The following SETD1B variants were observed in gnomAD, a reference collection of about 807,000 sequenced individuals.
SETD1B encodes histone-lysine N-methyltransferase SETD1B.
A neutral mutation model predicts 148.0 loss-of-function variants in SETD1B; 7 were observed. That is an observed-to-expected ratio of 0.05 (90% CI 0.03 to 0.09). The LOEUF (loss-of-function observed/expected upper bound fraction) is 0.09, where lower values mean the gene tolerates loss of function less well. Ranked by LOEUF, SETD1B falls within the 10% of genes least tolerant of loss-of-function variation. SETD1B has a pLI of 1.00. For synonymous variants in SETD1B, 1,361 were observed against 1,186.5 expected, an observed-to-expected ratio of 1.15 and a Z score of -3.02; for missense variants, 2,155 against 2,729.9, an observed-to-expected ratio of 0.79 and a Z score of 4.69.
chr12:121,809,203 T>C (rs1032446588), intron 5 of SETD1B, among the ~76,000 whole-genome samples: 1 of 152,176 alleles, frequency 6.6e-6, no homozygotes. Context: ...CCTAAAGCAC[T>C]GGGTGACTAG....
At chr12:121,801,597 TAGA>T (rs1297891269), upstream of SETD1B, 2 of 152,662 alleles carry the variant, frequency 1.3e-5, no homozygotes, top group African/African-American at 4.8e-5. Context: ...CCATGGAGTC[TAGA>T]AGATCAAGCT....
At chr12:121,797,218 C>T in the SETD1B span, 92 of 356,844 alleles carry the variant, frequency 2.6e-4, no homozygotes, top group Non-Finnish European at 4.6e-4. Flanking sequence ...TCATGTTCCA[C>T]GCTAGGGCTC....
upstream of SETD1B, chr12:121,802,358 TG>T (rs1289532712): frequency 3.3e-5 from 5 of 152,202 alleles, no homozygotes; most frequent in African/African-American, 4.8e-5. Flanking sequence ...GTACTTACAA[TG>T]TAAAAGGTTT....
rs1339575756 is a variant in SETD1B at position 121,804,194 on chromosome 12, A to G, written c.-54A>G. The stretch of plus-strand genomic sequence containing the variant: ...TCGGCTCCCTCGGGGGACACCATGT[A>G]CTGGCTGGCGGCGCAGGGAGGCCGG... On this transcript the variant is annotated 5_prime_UTR_variant, in exon 1 of 17. Coordinates refer to ENST00000604567, the MANE Select transcript of SETD1B (RefSeq NM_001353345.2). The surrounding 1 kb of genome is among the most constrained non-coding windows in gnomAD (Gnocchi z 4.6). 6.8e-6 allele frequency: 1 copy of G among 147,908 alleles called. No homozygotes were observed. The highest frequency in any genetic ancestry group is 6.7e-5 in the Admixed American group (1 of 14,876). The allele number at this position is 147,908 out of a possible 1,614,324, so 9.2% of individuals were successfully genotyped here.
In SETD1B at chr12:121,822,532, C is replaced by A. The variant is rs773530032; in HGVS notation, c.3953C>A (p.Pro1318His). The change falls in exon 12 of 17, where the codon CCC becomes CAC. Residue 1318 changes from proline to histidine, a missense_variant. Transcript: ENST00000604567. ...EVEPEPPMML[P>H]LPLQPPLPPP... ...GAGCCGGAGCCCCCTATGATGCTCC[C>A]CTTGCCGCTGCAACCACCATTGCCG... The A allele has an allele frequency of 1.9e-6, 3 of 1,550,740 alleles. No individual in the cohort carries two copies. Among genetic ancestry groups the A allele is most frequent in the South Asian group, 2.4e-5 (2 of 83,926 alleles).
the SETD1B span, chr12:121,793,116 G>A: frequency 6.5e-7 from 1 of 1,528,738 alleles, no homozygotes; most frequent in Non-Finnish European, 8.9e-7. Flanking sequence ...TCGGGCGGGC[G>A]GACCCTCGGG....
At chr12:121,820,730 T>A (rs1876528204) in intron 11 of SETD1B, among the ~76,000 whole-genome samples, 1 of 152,148 alleles carries the variant, frequency 6.6e-6, no homozygotes, top group South Asian at 2.1e-4. Context: ...AGATGGGGTT[T>A]CTCCGCGTTA....
At position 121,823,183 on chromosome 12, in the gene SETD1B, C is replaced by A. The variant is rs749034268; in HGVS notation, c.4604C>A (p.Pro1535His). 3 of 1,547,740 alleles carry A rather than the reference C, an allele frequency of 1.9e-6. No individual in the cohort carries two copies. In the South Asian group the frequency reaches 3.6e-5, roughly 18 times the overall value. ...SPPSMLSLDG[P>H]LVRPPAGAAL... ...CCATCTATGCTCTCCTTGGATGGGC[C>A]CTTGGTCCGACCACCAGCAGGGGCC... The change falls in exon 12 of 17, where the codon CCC (proline) becomes CAC (histidine). Residue 1535 changes from proline (P) to histidine (H), a missense_variant. Pro to His is a moderately conservative substitution (Grantham distance 77). Coordinates refer to ENST00000604567, the MANE Select transcript of SETD1B (RefSeq NM_001353345.2).
chr12:121,813,128 T>C (rs767624954), intron 6 of SETD1B, among the ~76,000 whole-genome samples: 10 of 152,180 alleles, frequency 6.6e-5, no homozygotes, highest in Non-Finnish European at 1.3e-4. Flanking sequence ...TGACTGGCTG[T>C]GCCGCGGGGC....
rs915292054 is a variant in SETD1B, at chr12:121,822,818, G to A, written c.4239G>A (p.Pro1413=). Residue 1413 remains proline (P), a synonymous_variant, in exon 12 of 17, where the codon CCG becomes CCA. Transcript: ENST00000604567. ...GCAGCCCCTTCTCCTACCCAGCCCC[G>A]TCCCCTAGCTTGAGCAGTGGGGGCC... ...VPGSPFSYPA[P]SPSLSSGGLP... 36 of 1,501,516 alleles carry A rather than the reference G, an allele frequency of 2.4e-5. No homozygotes were observed. The highest frequency in any genetic ancestry group is 1.1e-4 in the Admixed American group (5 of 45,488). 93.0% of individuals were successfully genotyped at this position (1,501,516 alleles called of 1,614,324 possible). A position where few individuals can be genotyped will look rare whatever the true frequency, so the allele number is the denominator to read the frequency against.
rs557270408 is a variant in SETD1B, at chr12:121,814,596, A to G, written c.2381A>G (p.Tyr794Cys). The G allele has an allele frequency of 8.7e-5, 134 of 1,534,048 alleles. No homozygotes were observed. The South Asian group carries it at 9.3e-4, about 11-fold the overall frequency. ...ATGACGGGCCAGGGCGCCTGCCCCT[A>G]CCCGCCCTTCATGGCCGCTGCGGCC... Reference protein sequence around the residue: ...RLMTGQGACPYPPFMAAAAAA... With the variant: ...RLMTGQGACPCPPFMAAAAAA... Residue 794 changes from tyrosine (Y) to cysteine (C), a missense_variant, in exon 7 of 17, where the codon TAC becomes TGC. Tyr to Cys is a radical substitution (Grantham distance 194). Coordinates refer to ENST00000604567, the MANE Select transcript of SETD1B (RefSeq NM_001353345.2).
chr12:121,790,158 C>T, the SETD1B span, among the ~76,000 whole-genome samples: 21 of 152,358 alleles, frequency 1.4e-4, no homozygotes, highest in South Asian at 6.2e-4. Context: ...GACAGCCACA[C>T]GGGCCTTCCA....
intron 4 of SETD1B, among the ~76,000 whole-genome samples, chr12:121,807,998 C>T (rs1005061071): frequency 1.2e-4 from 18 of 152,002 alleles, no homozygotes; most frequent in Admixed American, 1.0e-3. Context: ...ATCTCAGGAT[C>T]AGAAAAATGG....
At chr12:121,799,722 G>GTGGGGGGGGT (rs1237050060), upstream of SETD1B, 1 of 123,006 alleles carries the variant, frequency 8.1e-6, no homozygotes, top group Non-Finnish European at 1.8e-5. Context: ...GCAGCTGGGG[G>GTGGGGGGGGT]GGGGGGGGTG....
At chr12:121,826,360 G>A (rs1326092169) in intron 13 of SETD1B, among the ~76,000 whole-genome samples, 5 of 152,202 alleles carry the variant, frequency 3.3e-5, no homozygotes, top group South Asian at 2.1e-4. Flanking sequence ...AGACCCAGGC[G>A]AAGTGTGGGA....
chr12:121,793,937 G>A, the SETD1B span: 5 of 288,500 alleles, frequency 1.7e-5, no homozygotes, highest in African/African-American at 8.8e-5. Flanking sequence ...CCTCGCCGGC[G>A]AGACCCGATC....
rs35570949 is a variant in SETD1B at position 121,831,620 on chromosome 12, CAAA to C, written c.*1388_*1390del. On this transcript the variant is annotated 3_prime_UTR_variant, in exon 17 of 17. Coordinates refer to ENST00000604567, the MANE Select transcript of SETD1B (RefSeq NM_001353345.2). ...TTTTTTGCTCATTTCTTTGTACTTCCAAAAAAAAAGGAAAAAAAAGACAAAAGC... is the reference window on the plus strand; with the variant it reads ...TTTTTTGCTCATTTCTTTGTACTTCCAAAAAAGGAAAAAAAAGACAAAAGC... The C allele has an allele frequency of 6.7e-6, 1 of 148,422 alleles. No homozygotes were observed. Among genetic ancestry groups the C allele is most frequent in the Non-Finnish European group, 1.5e-5 (1 of 67,138 alleles). 9.2% of individuals were successfully genotyped at this position (148,422 alleles called of 1,614,324 possible). A position where few individuals can be genotyped will look rare whatever the true frequency, so the allele number is the denominator to read the frequency against.
At position 121,814,945 on chromosome 12, in the gene SETD1B, G is replaced by T. The variant is rs1357560869; in HGVS notation, c.2715+15G>T. The T allele has an allele frequency of 6.6e-7, 1 of 1,515,476 alleles. No homozygotes were observed. Among genetic ancestry groups the T allele is most frequent in the Admixed American group, 2.0e-5 (1 of 50,072 alleles). 93.9% of individuals were successfully genotyped at this position (1,515,476 alleles called of 1,614,324 possible). On this transcript the variant is annotated intron_variant, in intron 7 of 16. Transcript: ENST00000604567. ...GGATGGCCAAGGTGGGTGGGTGGGT[G>T]CAGGGCTCTGCAGGGTGGCTGTGGA... is the stretch of plus-strand genomic sequence containing the variant.
the SETD1B span, among the ~76,000 whole-genome samples, chr12:121,791,663 C>G: frequency 6.6e-6 from 1 of 152,226 alleles, no homozygotes; most frequent in Non-Finnish European, 1.5e-5. Flanking sequence ...TGACATGTTC[C>G]TTGAGCATCT....
Sources: gnomAD v4.1 joint callset for allele counts (sites outside exome capture counted in the v4.1 genomes callset) on GRCh38, gnomAD v4.1.1 for gene constraint, Gnocchi (gnomAD v3.1) non-coding constraint, MANE v1.5 for transcripts, NCBI Gene and HGNC (gene_info 2026-07-23, HGNC 2026-07-21) for gene names.